RBFOX1: variants seen among roughly 807,000 people sequenced by gnomAD.
RBFOX1 encodes RNA binding protein fox-1 homolog 1.
RBFOX1 carries 8 observed loss-of-function variants against 57.7 expected under a neutral mutation model. The observed-to-expected ratio is 0.14, with a 90% confidence interval of 0.08 to 0.25. The LOEUF (loss-of-function observed/expected upper bound fraction) is 0.25. Among genes scored for constraint, RBFOX1 ranks in the 10% least tolerant of loss-of-function variants. The pLI, the probability that RBFOX1 is intolerant of heterozygous loss-of-function variation, is 1.00. For synonymous variants in RBFOX1, 326 were observed against 222.4 expected (o/e 1.47, Z -4.15); for missense variants, 611 against 548.5 (o/e 1.11, Z -1.14).
chr16:5,758,099 C>A (rs904906554), intron 3 of RBFOX1, among the ~76,000 whole-genome samples: 1 of 152,172 alleles, frequency 6.6e-6, no homozygotes, highest in African/African-American at 2.4e-5. Context: ...AGGCTGACCA[C>A]CCATATGTGT....
At chr16:6,068,017 C>G (rs564137359) in intron 1 of RBFOX1, among the ~76,000 whole-genome samples, 4 of 152,260 alleles carry the variant, frequency 2.6e-5, no homozygotes, top group South Asian at 2.1e-4. Context: ...ATCAATATGA[C>G]CAAGATTTCC....
At chr16:6,825,690 A>G (rs1000278596) in intron 3 of RBFOX1, among the ~76,000 whole-genome samples, 2 of 152,150 alleles carry the variant, frequency 1.3e-5, no homozygotes, top group African/African-American at 4.8e-5. Flanking sequence ...ACACAAGGAA[A>G]GAACCTAGTA....
intron 1 of RBFOX1, among the ~76,000 whole-genome samples, chr16:6,077,300 G>C (rs917130163): frequency 7.1e-6 from 1 of 141,760 alleles, no homozygotes; most frequent in East Asian, 2.0e-4. Flanking sequence ...CACATATGGA[G>C]CATTTCTTGC....
At chr16:7,235,155 C>G (rs989578274) in intron 4 of RBFOX1, among the ~76,000 whole-genome samples, 6 of 152,190 alleles carry the variant, frequency 3.9e-5, no homozygotes, top group African/African-American at 1.4e-4. Flanking sequence ...TAATAATAAA[C>G]ATTCATTTGG....
In RBFOX1 at chr16:7,693,881, C is replaced by G. The variant is rs568778828; in HGVS notation, c.996-15175C>G. ...AGAAGGGGATCTTCATTCTATTAGC[C>G]AAAGATCCTCTATTTCCTTTCTTAT... On this transcript the variant is annotated intron_variant, in intron 14 of 15. Coordinates refer to ENST00000550418, the MANE Select transcript of RBFOX1 (RefSeq NM_018723.4). 3.3e-5 allele frequency among the ~76,000 whole-genome samples: 5 copies of G among 152,264 alleles called. No individual in the cohort carries two copies. The South Asian group carries it at 1.0e-3, about 32-fold the overall frequency.
At chr16:6,098,733 C>T (rs753570483) in intron 1 of RBFOX1, among the ~76,000 whole-genome samples, 1 of 152,158 alleles carries the variant, frequency 6.6e-6, no homozygotes, top group Non-Finnish European at 1.5e-5. Flanking sequence ...ACACCACATC[C>T]AGCTAAAAAT....
At chr16:6,483,066 A>T in intron 2 of RBFOX1, 1 of 906,876 alleles carries the variant, frequency 1.1e-6, no homozygotes, top group South Asian at 4.8e-5. Flanking sequence ...GCCAGCTCGG[A>T]GCTTTGCAAG....
intron 4 of RBFOX1, among the ~76,000 whole-genome samples, chr16:7,407,221 C>G (rs879673691): frequency 6.6e-6 from 1 of 152,148 alleles, no homozygotes; most frequent in Non-Finnish European, 1.5e-5. Context: ...TAAACTCCCT[C>G]TTGCCAGGTA....
intron 1 of RBFOX1, among the ~76,000 whole-genome samples, chr16:5,411,457 G>C (rs1490777050): frequency 6.6e-6 from 1 of 152,196 alleles, no homozygotes; most frequent in African/African-American, 2.4e-5. Flanking sequence ...TTCTCCACTA[G>C]AGCATCCAGG....
chr16:7,066,719 G>C (rs1302756175), intron 4 of RBFOX1, among the ~76,000 whole-genome samples: 2 of 152,198 alleles, frequency 1.3e-5, no homozygotes, highest in African/African-American at 4.8e-5. Flanking sequence ...AAGTCACTGA[G>C]TGGATTGGTG....
intron 1 of RBFOX1, among the ~76,000 whole-genome samples, chr16:5,252,232 G>A (rs182915540): frequency 5.9e-4 from 90 of 152,340 alleles, no homozygotes; most frequent in Non-Finnish European, 1.0e-3. Context: ...GCACGGCTGT[G>A]GTTTCTCTGT....
At chr16:5,886,171 C>T (rs1046055397) in intron 4 of RBFOX1, among the ~76,000 whole-genome samples, 1 of 152,174 alleles carries the variant, frequency 6.6e-6, no homozygotes, top group African/African-American at 2.4e-5. Context: ...GTCAATTAAG[C>T]CTCTATTCTT....
At chr16:6,823,234 G>A (rs1471110877) in intron 3 of RBFOX1, among the ~76,000 whole-genome samples, 1 of 151,586 alleles carries the variant, frequency 6.6e-6, no homozygotes, top group Non-Finnish European at 1.5e-5. Context: ...TGGCCCATCT[G>A]AAATTGTTTT....
chr16:7,176,236 T>TTTTTTTTTTTTTTTTTTTTTTTTGAG (rs1555534123), intron 4 of RBFOX1, among the ~76,000 whole-genome samples: 1 of 150,718 alleles, frequency 6.6e-6, no homozygotes, highest in South Asian at 2.1e-4. Context: ...TCTTGGTTCT[T>TTTTTTTTTTTTTTTTTTTTTTTTGAG]AAAATCATGG....
chr16:6,643,715 A>C (rs1045966405), intron 2 of RBFOX1, among the ~76,000 whole-genome samples: 3 of 152,160 alleles, frequency 2.0e-5, no homozygotes, highest in Non-Finnish European at 4.4e-5. Context: ...GAGTGGTAGG[A>C]AGCCAATTCC....
chr16:5,977,660 C>G (rs538427822), intron 4 of RBFOX1, among the ~76,000 whole-genome samples: 38 of 152,114 alleles, frequency 2.5e-4, no homozygotes, highest in Non-Finnish European at 4.7e-4. Context: ...AGAAAACCAA[C>G]TGCTGATTGG....
chr16:5,967,467 T>C (rs1024790228), intron 4 of RBFOX1, among the ~76,000 whole-genome samples: 3 of 152,198 alleles, frequency 2.0e-5, no homozygotes, highest in Admixed American at 1.3e-4. Context: ...TTTCTTTTAG[T>C]GAGAAGTGAT....
chr16:6,606,067 C>G (rs1195496491), intron 2 of RBFOX1, among the ~76,000 whole-genome samples: 1 of 151,996 alleles, frequency 6.6e-6, no homozygotes, highest in Non-Finnish European at 1.5e-5. Context: ...CGAGATCACG[C>G]CCCTGCACTC....
chr16:6,798,621 G>C (rs956645297), intron 3 of RBFOX1, among the ~76,000 whole-genome samples: 11 of 152,188 alleles, frequency 7.2e-5, no homozygotes, highest in African/African-American at 2.2e-4. Context: ...TTGTTGACTA[G>C]TGCCTTTCGT....
Sources: gnomAD v4.1 joint callset for allele counts (sites outside exome capture counted in the v4.1 genomes callset) on GRCh38, gnomAD v4.1.1 for gene constraint, MANE v1.5 for transcripts, NCBI Gene and HGNC (gene_info 2026-07-23, HGNC 2026-07-21) for gene names.